UTS2B: variants seen among roughly 807,000 people sequenced by gnomAD.
UTS2B encodes urotensin 2B.
In UTS2B, 21 loss-of-function variants were observed where a neutral mutation model predicts 19.2. The ratio of observed to expected loss-of-function variants is 1.09; its 90% CI spans 0.78 to 1.58. The LOEUF (loss-of-function observed/expected upper bound fraction) is 1.58, where lower values mean the gene tolerates loss of function less well. Ranked by LOEUF, UTS2B falls within the 40% of genes most tolerant of loss-of-function variation. The probability of loss-of-function intolerance (pLI) is 0.00; values close to 1 mark genes in which losing one functional copy is unlikely to be tolerated. For synonymous variants in UTS2B, 57 were observed against 50.2 expected, an observed-to-expected ratio of 1.14 and a Z score of -0.58; for missense variants, 138 against 130.3, an observed-to-expected ratio of 1.06 and a Z score of -0.29.
chr3:191,271,954 T>C (rs974470377), intron 8 of UTS2B, among the ~76,000 whole-genome samples: 6 of 152,162 alleles, frequency 3.9e-5, no homozygotes, highest in Admixed American at 1.3e-4. Context: ...TTCTCTGTAT[T>C]TCCTAGGGAT....
At chr3:191,301,947 A>G (rs970141794) in intron 4 of UTS2B, among the ~76,000 whole-genome samples, 22 of 152,284 alleles carry the variant, frequency 1.4e-4, no homozygotes, top group African/African-American at 4.6e-4. Context: ...GAGGCATTTG[A>G]AACAGAGTGA....
In UTS2B at chr3:191,270,547, T is replaced by G. The variant is rs535176904; in HGVS notation, c.335-2106A>C. ...TTTCTTAAAAATAAACAAAAAAGGT[T>G]TTTTTTTTATGCTTTCAAATCATTC... On this transcript the variant is annotated intron_variant, in intron 8 of 8. Coordinates refer to ENST00000340524, the MANE Select transcript of UTS2B (RefSeq NM_198152.5). 2.6e-5 allele frequency among the ~76,000 whole-genome samples: 4 copies of G among 151,732 alleles called. No homozygotes were observed. The South Asian group carries it at 6.3e-4, about 24-fold the overall frequency.
intron 4 of UTS2B, among the ~76,000 whole-genome samples, chr3:191,299,319 G>C (rs953619375): frequency 6.6e-6 from 1 of 152,234 alleles, no homozygotes; most frequent in Non-Finnish European, 1.5e-5. Flanking sequence ...CCCATCATAT[G>C]CCCAGAGGTC....
At chr3:191,275,597 G>T (rs146467626) in intron 7 of UTS2B, among the ~76,000 whole-genome samples, 4 of 151,872 alleles carry the variant, frequency 2.6e-5, no homozygotes, top group Non-Finnish European at 4.4e-5. Context: ...GGAGAATGGC[G>T]TGAACCCAGG....
intron 2 of UTS2B, among the ~76,000 whole-genome samples, chr3:191,326,187 C>T (rs553197211): frequency 6.6e-6 from 1 of 151,844 alleles, no homozygotes; most frequent in South Asian, 2.1e-4. Context: ...ATTTGTGATT[C>T]TTACTGATAA....
rs116798214 is a variant in UTS2B, at chr3:191,307,383, A to G, written c.-181-2835T>C. On this transcript the variant is annotated intron_variant, in intron 3 of 8. Transcript: ENST00000340524. The stretch of plus-strand genomic sequence containing the variant: ...GAGACCTTTAGAAAAAAAAAACCTA[A>G]GGCAAAATTATATGCTATTGCTTTA... 1.8e-3 allele frequency among the ~76,000 whole-genome samples: 270 copies of G among 152,344 alleles called. 2 individuals carry two copies. Among genetic ancestry groups the G allele is most frequent in the African/African-American group, 6.1e-3 (252 of 41,582 alleles).
chr3:191,310,467 C>T (rs142497525), intron 3 of UTS2B, among the ~76,000 whole-genome samples: 48 of 152,318 alleles, frequency 3.2e-4, no homozygotes, highest in African/African-American at 1.1e-3. Flanking sequence ...TATCCTGTAA[C>T]AAATCCTATT....
intron 4 of UTS2B, among the ~76,000 whole-genome samples, chr3:191,287,093 A>G (rs1716565243): frequency 6.6e-6 from 1 of 152,158 alleles, no homozygotes; most frequent in Non-Finnish European, 1.5e-5. Context: ...AGTAGTGAGT[A>G]AAGAGATTGG....
intron 2 of UTS2B, among the ~76,000 whole-genome samples, chr3:191,322,561 C>A (rs926015799): frequency 2.0e-5 from 3 of 151,992 alleles, no homozygotes; most frequent in African/African-American, 7.3e-5. Context: ...GAAGTACAGA[C>A]CATAAGAATA....
the UTS2B span, among the ~76,000 whole-genome samples, chr3:191,344,986 T>C: frequency 6.6e-6 from 1 of 152,104 alleles, no homozygotes; most frequent in Non-Finnish European, 1.5e-5. Context: ...AAACATAAAG[T>C]TTTGAAGAGA....
rs115052451 is a variant in UTS2B, at chr3:191,272,809, C to T, written c.334+2443G>A. Among the ~76,000 whole-genome samples the T allele has an allele frequency of 3.8e-3, 562 of 149,174 alleles. 3 individuals carry two copies. Among genetic ancestry groups the T allele is most frequent in the African/African-American group, 0.013 (536 of 40,436 alleles). ...CCAAAAGGCGAAGGTTGCAGTGAGC[C>T]GAGGTAGCGTGCCATTGCACTCCAG... On this transcript the variant is annotated intron_variant, in intron 8 of 8. Coordinates refer to ENST00000340524, the MANE Select transcript of UTS2B (RefSeq NM_198152.5).
chr3:191,310,636 G>A (rs181360695), intron 3 of UTS2B, among the ~76,000 whole-genome samples: 96 of 151,724 alleles, frequency 6.3e-4, no homozygotes, highest in Admixed American at 9.2e-4. Flanking sequence ...TTCTGCTAAC[G>A]TCCATGAAAT....
At chr3:191,341,393 A>G in the UTS2B span, among the ~76,000 whole-genome samples, 3 of 152,206 alleles carry the variant, frequency 2.0e-5, no homozygotes, top group African/African-American at 7.2e-5. Context: ...TGAGGTTCAA[A>G]GAAATTAAGT....
chr3:191,284,870 AG>A (rs2108578109), intron 4 of UTS2B, among the ~76,000 whole-genome samples: 1 of 152,256 alleles, frequency 6.6e-6, no homozygotes, highest in South Asian at 2.1e-4. Flanking sequence ...GGAGATGTAA[AG>A]ACTTTCCCAG....
At chr3:191,308,905 T>A (rs1483826526) in intron 3 of UTS2B, among the ~76,000 whole-genome samples, 1 of 152,200 alleles carries the variant, frequency 6.6e-6, no homozygotes, top group Non-Finnish European at 1.5e-5. Context: ...TTCAACAGAA[T>A]GTAAAAACGA....
chr3:191,310,167 T>C (rs992760742), intron 3 of UTS2B, among the ~76,000 whole-genome samples: 10 of 152,104 alleles, frequency 6.6e-5, no homozygotes, highest in African/African-American at 2.2e-4. Flanking sequence ...TGTTTCACCA[T>C]GTTGACCAGA....
chr3:191,269,182 A>G (rs527988725), intron 8 of UTS2B, among the ~76,000 whole-genome samples: 10 of 152,300 alleles, frequency 6.6e-5, no homozygotes, highest in Admixed American at 6.5e-4. Flanking sequence ...GCCCCTTGGG[A>G]GAAGGGCCTT....
intron 4 of UTS2B, among the ~76,000 whole-genome samples, chr3:191,291,055 G>A (rs552927002): frequency 1.4e-5 from 2 of 144,974 alleles, no homozygotes; most frequent in South Asian, 2.1e-4. Flanking sequence ...CTGACAAGAC[G>A]GTGCTTGGAG....
intron 4 of UTS2B, among the ~76,000 whole-genome samples, chr3:191,283,695 A>T (rs1474832692): frequency 1.3e-5 from 2 of 152,320 alleles, no homozygotes; most frequent in Non-Finnish European, 2.9e-5. Flanking sequence ...ATTGAAAGGC[A>T]AAAATATAAC....
Sources: gnomAD v4.1 joint callset for allele counts (sites outside exome capture counted in the v4.1 genomes callset) on GRCh38, gnomAD v4.1.1 for gene constraint, MANE v1.5 for transcripts, NCBI Gene and HGNC (gene_info 2026-07-23, HGNC 2026-07-21) for gene names.